The following FNDC3B variants were observed in gnomAD, a reference collection of about 807,000 sequenced individuals.
FNDC3B encodes fibronectin type III domain-containing protein 3B.
FNDC3B carries 12 observed loss-of-function variants against 151.5 expected under a neutral mutation model. That is an observed-to-expected ratio of 0.08 (90% CI 0.05 to 0.13). The LOEUF is 0.13. Ranked by LOEUF, FNDC3B falls within the 10% of genes least tolerant of loss-of-function variation. The pLI is 1.00. For synonymous variants in FNDC3B, 528 were observed against 549.0 expected, an observed-to-expected ratio of 0.96 and a Z score of 0.54; for missense variants, 1,214 against 1,505.3, an observed-to-expected ratio of 0.81 and a Z score of 3.20.
intron 4 of FNDC3B, among the ~76,000 whole-genome samples, chr3:172,230,497 C>G (rs1226240248): frequency 7.0e-6 from 1 of 143,820 alleles, no homozygotes; most frequent in Non-Finnish European, 1.5e-5. Flanking sequence ...GAGTGAGACT[C>G]TGTCTCAAAA....
chr3:172,263,424 TA>T (rs1728754453), intron 6 of FNDC3B, among the ~76,000 whole-genome samples: 2 of 152,122 alleles, frequency 1.3e-5, no homozygotes, highest in Non-Finnish European at 2.9e-5. Flanking sequence ...AGCACATTTT[TA>T]AAAAATTCAT....
At chr3:172,271,592 G>C (rs573631616) in intron 6 of FNDC3B, among the ~76,000 whole-genome samples, 2 of 152,258 alleles carry the variant, frequency 1.3e-5, no homozygotes, top group South Asian at 4.1e-4. Context: ...CTGACTTTTT[G>C]ACCGCTTTTG....
chr3:172,193,442 A>G (rs1724665168), intron 3 of FNDC3B, among the ~76,000 whole-genome samples: 2 of 148,462 alleles, frequency 1.3e-5, no homozygotes, highest in African/African-American at 2.5e-5. Context: ...GATGCATTAG[A>G]TGGATCATAT....
At chr3:172,186,402 T>A (rs1724186973) in intron 3 of FNDC3B, among the ~76,000 whole-genome samples, 1 of 152,190 alleles carries the variant, frequency 6.6e-6, no homozygotes, top group East Asian at 1.9e-4. Context: ...TTAGTTCAGT[T>A]AAAAATTTAA....
intron 10 of FNDC3B, among the ~76,000 whole-genome samples, chr3:172,309,464 G>C (rs1033562410): frequency 8.3e-5 from 10 of 120,670 alleles, no homozygotes; most frequent in African/African-American, 2.8e-4. Context: ...TCTCATCTTA[G>C]AGATGGGTTC....
intron 2 of FNDC3B, among the ~76,000 whole-genome samples, chr3:172,123,643 A>C (rs918808411): frequency 9.9e-5 from 15 of 152,262 alleles, no homozygotes; most frequent in Admixed American, 9.2e-4. Flanking sequence ...AATGCAGCTA[A>C]TTTTTAATTT....
rs557022317 is a variant in FNDC3B, at chr3:172,233,951, A to C, written c.264+7004A>C. 2.8e-4 allele frequency among the ~76,000 whole-genome samples: 43 copies of C among 152,266 alleles called. 1 individual carries two copies. In the South Asian group the frequency reaches 8.9e-3, roughly 32 times the overall value. The stretch of plus-strand genomic sequence containing the variant: ...TTCAGTTATCAATGGATTTGAAGCA[A>C]TTTTATTTTTTATCTTGTGGCTTAT... On this transcript the variant is annotated intron_variant, in intron 4 of 25. Transcript: ENST00000415807.
chr3:172,260,003 A>T (rs1319785217), intron 6 of FNDC3B, among the ~76,000 whole-genome samples: 1 of 152,212 alleles, frequency 6.6e-6, no homozygotes, highest in Non-Finnish European at 1.5e-5. Context: ...AATTTTGATT[A>T]GTTTTTACCA....
chr3:172,069,554 A>C (rs1442510685), intron 1 of FNDC3B, among the ~76,000 whole-genome samples: 1 of 152,026 alleles, frequency 6.6e-6, no homozygotes, highest in Non-Finnish European at 1.5e-5. Flanking sequence ...GGGTTTTTTA[A>C]GTTGTTTTTG....
rs1238648708 is a variant in FNDC3B at position 172,133,321 on chromosome 3, G to A, written c.112-150G>A. ...ATGCATGTACTCCTCCTACCCCCAT[G>A]CCCCCAATTAAGACTTATACTCCAA... On this transcript the variant is annotated intron_variant, in intron 2 of 25. Coordinates refer to ENST00000415807, the MANE Select transcript of FNDC3B (RefSeq NM_022763.4). 4 of 620,388 alleles carry A rather than the reference G, an allele frequency of 6.4e-6. No homozygotes were observed. In the Admixed American group the frequency reaches 9.5e-5, roughly 15 times the overall value. 38.4% of individuals were successfully genotyped at this position (620,388 alleles called of 1,614,324 possible). A position where few individuals can be genotyped will look rare whatever the true frequency, so the allele number is the denominator to read the frequency against.
chr3:172,166,428 C>T lies in FNDC3B; in HGVS notation c.187+32882C>T, dbSNP rs561154279. 8.3e-4 allele frequency among the ~76,000 whole-genome samples: 126 copies of T among 151,182 alleles called. No individual in the cohort carries two copies. In the Middle Eastern group the frequency reaches 0.017, roughly 20 times the overall value. ...GGTTTGACCTCCCACCATTGAAATG[C>T]TCCTTACCATTAGCATCTAAAGTGA... On this transcript the variant is annotated intron_variant, in intron 3 of 25. Coordinates refer to ENST00000415807, the MANE Select transcript of FNDC3B (RefSeq NM_022763.4).
chr3:172,148,656 T>C (rs968751033), intron 3 of FNDC3B: 1 of 152,160 alleles, frequency 6.6e-6, no homozygotes, highest in African/African-American at 2.4e-5. Context: ...ATTGTAGCAA[T>C]TTAGAACTTC....
intron 7 of FNDC3B, among the ~76,000 whole-genome samples, chr3:172,295,085 TA>T (rs910317838): frequency 4.3e-4 from 65 of 151,606 alleles, no homozygotes; most frequent in African/African-American, 3.4e-4. Flanking sequence ...TTACTTACGT[TA>T]AAAAAAAATT....
intron 13 of FNDC3B, among the ~76,000 whole-genome samples, chr3:172,331,218 C>A (rs1576918628): frequency 6.6e-6 from 1 of 152,188 alleles, no homozygotes; most frequent in African/African-American, 2.4e-5. Context: ...TCCTTCCTGT[C>A]TCAGTGCCTT....
At chr3:172,362,245 T>C (rs550674445) in intron 22 of FNDC3B, among the ~76,000 whole-genome samples, 17 of 152,318 alleles carry the variant, frequency 1.1e-4, no homozygotes, top group Non-Finnish European at 2.2e-4. Flanking sequence ...AGGAGACTCA[T>C]TTGTTCCCCC....
intron 20 of FNDC3B, 27 bp from the exon 21 acceptor site, chr3:172,347,185 T>A (rs1733652813): frequency 6.3e-7 from 1 of 1,597,116 alleles, no homozygotes; most frequent in East Asian, 2.2e-5. Context: ...GTGGCATTAT[T>A]AACTACTTCC....
At chr3:172,304,817 A>G (rs1731112081) in intron 9 of FNDC3B, among the ~76,000 whole-genome samples, 1 of 152,040 alleles carries the variant, frequency 6.6e-6, no homozygotes, top group Non-Finnish European at 1.5e-5. Context: ...GACTCACTTG[A>G]ACCTGGGAGG....
intron 24 of FNDC3B, 141 bp downstream of exon 24, chr3:172,378,577 T>A: frequency 2.5e-6 from 2 of 813,160 alleles, no homozygotes; most frequent in Non-Finnish European, 3.6e-6. Context: ...GATTGAGCAA[T>A]GATGGGTTGT....
chr3:172,297,681 A>G (rs546590323), intron 8 of FNDC3B, among the ~76,000 whole-genome samples: 36 of 152,106 alleles, frequency 2.4e-4, no homozygotes, highest in Admixed American at 1.6e-3. Flanking sequence ...TCACCGTGTT[A>G]GCCAGGATGG....
Sources: gnomAD v4.1 joint callset for allele counts (sites outside exome capture counted in the v4.1 genomes callset) on GRCh38, gnomAD v4.1.1 for gene constraint, MANE v1.5 for transcripts, NCBI Gene and HGNC (gene_info 2026-07-23, HGNC 2026-07-21) for gene names.